The following CSMD1 variants were observed in gnomAD, a reference collection of about 807,000 sequenced individuals.
CSMD1 encodes CUB and sushi domain-containing protein 1.
A neutral mutation model predicts 417.5 loss-of-function variants in CSMD1; 213 were observed. That is an observed-to-expected ratio of 0.51 (90% confidence interval 0.46 to 0.57). The LOEUF is 0.57. CSMD1 is among the 20% of genes least tolerant of loss of function. The pLI is 0.00. For synonymous variants in CSMD1, 2,862 were observed against 1,736.8 expected (o/e 1.65, Z -16.11); for missense variants, 6,923 against 4,529.7 (o/e 1.53, Z -15.17).
chr8:4,190,044 G>T (rs1647308), intron 3 of CSMD1, among the ~76,000 whole-genome samples: 22,539 of 151,552 alleles, frequency 0.15, 1,803 homozygotes, highest in East Asian at 0.23. Flanking sequence ...AGAACACGAG[G>T]TCAGGAGATC....
At chr8:4,464,915 G>A (rs955036217) in intron 2 of CSMD1, among the ~76,000 whole-genome samples, 1 of 151,978 alleles carries the variant, frequency 6.6e-6, no homozygotes, top group African/African-American at 2.4e-5. Context: ...CTCTCCATTG[G>A]GGCTGAGCAC....
chr8:3,305,987 C>CTGTAATATTCTA (rs1300510402), intron 25 of CSMD1, among the ~76,000 whole-genome samples: 3 of 151,984 alleles, frequency 2.0e-5, no homozygotes, highest in Non-Finnish European at 4.4e-5. Flanking sequence ...GCCCCACAGT[C>CTGTAATATTCTA]TGTAATATTC....
intron 41 of CSMD1, among the ~76,000 whole-genome samples, chr8:3,130,449 C>T (rs1408195325): frequency 6.6e-6 from 1 of 152,058 alleles, no homozygotes; most frequent in East Asian, 1.9e-4. Flanking sequence ...CTTCCCCCAA[C>T]CCCCATCCAC....
intron 3 of CSMD1, among the ~76,000 whole-genome samples, chr8:4,406,567 G>C (rs888855099): frequency 1.3e-5 from 2 of 152,052 alleles, no homozygotes; most frequent in Non-Finnish European, 2.9e-5. Context: ...CCTTCTGTAG[G>C]CATATGAGCT....
In CSMD1 at chr8:3,468,804, G is replaced by C; in HGVS notation, c.1469C>G (p.Pro490Arg). ...VLYVLTGSSV[P>R]DLIVSMSNQM... is the part of the protein sequence containing the mutation. ...GTTGCTCATGCTCACAATGAGGTCAGGAACACTGGATCCCGTGAGCCTGCA... is the reference window on the plus strand; with the variant it reads ...GTTGCTCATGCTCACAATGAGGTCACGAACACTGGATCCCGTGAGCCTGCA... The change falls in exon 12 of 70, where the codon CCT (proline) becomes CGT (arginine). Residue 490 changes from proline (P) to arginine (R), a missense_variant. Transcript: ENST00000635120. 6.2e-7 allele frequency: 1 copy of C among 1,600,118 alleles called. No individual in the cohort carries two copies. The highest frequency in any genetic ancestry group is 8.5e-7 in the Non-Finnish European group (1 of 1,173,372).
intron 1 of CSMD1, among the ~76,000 whole-genome samples, chr8:4,933,677 G>A (rs2117202080): frequency 6.6e-6 from 1 of 152,248 alleles, no homozygotes; most frequent in Non-Finnish European, 1.5e-5. Context: ...AAGGAAGGAA[G>A]GAAGGAAAGA....
chr8:4,810,179 A>G (rs1003602314), intron 1 of CSMD1, among the ~76,000 whole-genome samples: 4 of 152,216 alleles, frequency 2.6e-5, no homozygotes, highest in Admixed American at 6.5e-5. Context: ...AAACTTCAAG[A>G]ACTGAGCAGT....
chr8:4,178,184 C>T (rs576580117), intron 3 of CSMD1, among the ~76,000 whole-genome samples: 5 of 152,196 alleles, frequency 3.3e-5, no homozygotes, highest in South Asian at 2.1e-4. Flanking sequence ...ACCCTCAATA[C>T]GATACTGGCA....
intron 8 of CSMD1, among the ~76,000 whole-genome samples, chr8:3,613,702 A>AACACACACAC (rs61391436): frequency 6.5e-4 from 94 of 144,888 alleles, no homozygotes; most frequent in East Asian, 5.6e-3. Context: ...GTCAGATTAA[A>AACACACACAC]ACACACACAC....
At chr8:4,620,964 T>C (rs984135464) in intron 2 of CSMD1, among the ~76,000 whole-genome samples, 1 of 151,486 alleles carries the variant, frequency 6.6e-6, no homozygotes, top group Non-Finnish European at 1.5e-5. Flanking sequence ...ATCAAGAAAA[T>C]TGGCAAACTC....
At chr8:3,118,315 T>C in intron 42 of CSMD1, 84 bp downstream of exon 42, 1 of 933,450 alleles carries the variant, frequency 1.1e-6, no homozygotes, top group Non-Finnish European at 1.6e-6. Flanking sequence ...CATTAATAAA[T>C]TACTGGATAT....
chr8:3,988,811 A>C (rs529802100), intron 5 of CSMD1, among the ~76,000 whole-genome samples: 1 of 152,318 alleles, frequency 6.6e-6, no homozygotes, highest in East Asian at 1.9e-4. Flanking sequence ...CCAAACAACA[A>C]GGAAGGGTCA....
At chr8:3,491,428 C>T (rs142357635) in intron 11 of CSMD1, among the ~76,000 whole-genome samples, 4 of 152,182 alleles carry the variant, frequency 2.6e-5, no homozygotes, top group East Asian at 1.9e-4. Flanking sequence ...GTGCATGGTG[C>T]GTAAAAGATA....
In CSMD1 at chr8:4,924,094, T is replaced by C. The variant is rs538849636; in HGVS notation, c.85+70238A>G. The stretch of plus-strand genomic sequence containing the variant: ...TGATGAACAAGACAAGTTTCTGCCG[T>C]CATGATTCTGACAATGTAAATCAAG... On this transcript the variant is annotated intron_variant, in intron 1 of 69. Transcript: ENST00000635120. Among the ~76,000 whole-genome samples, 3 of 152,332 alleles carry C rather than the reference T, an allele frequency of 2.0e-5. No homozygotes were observed. The South Asian group carries it at 6.2e-4, about 32-fold the overall frequency.
intron 2 of CSMD1, among the ~76,000 whole-genome samples, chr8:4,564,736 A>T (rs1048831962): frequency 2.0e-5 from 3 of 152,196 alleles, no homozygotes; most frequent in Non-Finnish European, 4.4e-5. Flanking sequence ...ATTTTGATGG[A>T]TCTGAACATG....
At chr8:4,175,652 A>T (rs141713084) in intron 3 of CSMD1, among the ~76,000 whole-genome samples, 3 of 152,294 alleles carry the variant, frequency 2.0e-5, no homozygotes, top group South Asian at 2.1e-4. Flanking sequence ...TTGAAGTCAG[A>T]ACTATCTAAA....
At chr8:3,047,354 T>C (rs1811527007) in intron 50 of CSMD1, among the ~76,000 whole-genome samples, 1 of 152,174 alleles carries the variant, frequency 6.6e-6, no homozygotes, top group Admixed American at 6.5e-5. Context: ...CCGTTATTCT[T>C]TTCCGCTGCT....
chr8:4,239,302 G>A (rs1014497455), intron 3 of CSMD1, among the ~76,000 whole-genome samples: 1 of 152,116 alleles, frequency 6.6e-6, no homozygotes, highest in African/African-American at 2.4e-5. Context: ...TTTTTGTGTG[G>A]GCAACACCAG....
chr8:4,991,499 G>A (rs1037625252), intron 1 of CSMD1, among the ~76,000 whole-genome samples: 1 of 152,166 alleles, frequency 6.6e-6, no homozygotes, highest in Non-Finnish European at 1.5e-5. Context: ...TATGCCCCAC[G>A]CATCAAAAAC....
Sources: allele counts gnomAD v4.1 joint callset (sites outside exome capture counted in the v4.1 genomes callset), GRCh38; gene constraint gnomAD v4.1.1; transcripts MANE v1.5; gene names NCBI Gene and HGNC (gene_info 2026-07-23, HGNC 2026-07-21).